Variants in CLCN4 observed in about 807,000 individuals in gnomAD.
The protein encoded by CLCN4 is H(+)/Cl(-) exchange transporter 4.
CLCN4 carries 1 observed loss-of-function variant against 41.7 expected under a neutral mutation model. The ratio of observed to expected loss-of-function variants is 0.02; its 90% CI spans 0.01 to 0.11. The LOEUF is 0.11. Among genes scored for constraint, CLCN4 ranks in the 10% least tolerant of loss-of-function variants. CLCN4 has a pLI of 1.00. For missense variants in CLCN4, 287 were observed against 661.0 expected (o/e 0.43, Z 6.20); for synonymous variants, 277 against 285.8 (o/e 0.97, Z 0.31).
intron 2 of CLCN4, among the ~76,000 whole-genome samples, chrX:10,163,376 T>C (rs1346829264): frequency 9.4e-6 from 1 of 106,306 alleles, no homozygotes; most frequent in Non-Finnish European, 2.0e-5. Flanking sequence ...TTTTTTTTTT[T>C]GTGATAAGTA....
chrX:10,218,365 T>G (rs1443116109), intron 11 of CLCN4, among the ~76,000 whole-genome samples: 1 of 112,098 alleles, frequency 8.9e-6, no homozygotes, highest in East Asian at 2.8e-4. Context: ...TTGGTTTCTT[T>G]TTCAACACAG....
chrX:10,200,035 G>A (rs1396799712), intron 6 of CLCN4, among the ~76,000 whole-genome samples: 1 of 112,145 alleles, frequency 8.9e-6, no homozygotes, highest in East Asian at 2.8e-4. Context: ...ACAGGCGTGA[G>A]CCGCCACGCC....
chrX:10,175,020 G>C (rs1783808388), intron 2 of CLCN4, among the ~76,000 whole-genome samples: 1 of 112,400 alleles, frequency 8.9e-6, no homozygotes. Context: ...CTTTTGCTCT[G>C]TATTCTGTGT....
intron 11 of CLCN4, among the ~76,000 whole-genome samples, chrX:10,216,878 G>GGTGT (rs1569232668): frequency 0.018 from 164 of 9,140 alleles, 1 homozygote; most frequent in African/African-American, 0.059. Context: ...TTCTGTTGGG[G>GGTGT]ATGTGTGTGT....
At chrX:10,217,531 G>C (rs947751626) in intron 11 of CLCN4, among the ~76,000 whole-genome samples, 1 of 111,747 alleles carries the variant, frequency 8.9e-6, no homozygotes, top group African/African-American at 3.3e-5. Context: ...ATTGCTCCCA[G>C]TTGAGAACCA....
chrX:10,199,818 G>T (rs1483895625), intron 6 of CLCN4, among the ~76,000 whole-genome samples: 1 of 110,186 alleles, frequency 9.1e-6, no homozygotes, highest in Non-Finnish European at 1.9e-5. Context: ...GAGTGCAGTG[G>T]CACAATCTCG....
At chrX:10,188,234 G>A (rs1034225241) in intron 4 of CLCN4, among the ~76,000 whole-genome samples, 6 of 112,435 alleles carry the variant, frequency 5.3e-5, no homozygotes, top group East Asian at 2.8e-4. Flanking sequence ...TTTTATATTC[G>A]GTTATTCTTG....
intron 11 of CLCN4, 90 bp from the exon 12 acceptor site, chrX:10,220,571 G>A: frequency 2.9e-6 from 2 of 699,005 alleles, no homozygotes; most frequent in Admixed American, 4.7e-5. Context: ...TTTTCTGTGG[G>A]ATTCTAGATG....
intron 6 of CLCN4, among the ~76,000 whole-genome samples, chrX:10,205,997 A>C (rs1924378266): frequency 9.1e-6 from 1 of 110,369 alleles, no homozygotes; most frequent in African/African-American, 3.3e-5. Flanking sequence ...TTAATCTAGG[A>C]TATATTTCAG....
rs1602151624 is a variant in CLCN4 at position 10,198,067 on chromosome X, T to G, written c.555+6T>G. 5.8e-6 allele frequency: 7 copies of G among 1,206,659 alleles called. No individual in the cohort carries two copies. The highest frequency in any genetic ancestry group is 6.7e-6 in the Non-Finnish European group (6 of 892,778). On this transcript the variant is annotated splice_donor_region_variant and intron_variant, in intron 6 of 12. Transcript: ENST00000380833. ...GTGGCTCTGGCATACCAGAGGTGAG[T>G]TCTGGCTGATTTTTTTGGTACCAAT...
At chrX:10,202,330 C>T (rs888154984) in intron 6 of CLCN4, among the ~76,000 whole-genome samples, 7 of 110,772 alleles carry the variant, frequency 6.3e-5, no homozygotes, top group South Asian at 3.8e-4. Flanking sequence ...AAAAATTAGC[C>T]GGCGTGGTGG....
At position 10,180,767 on chromosome X, in the gene CLCN4, CAAAAAAAA is replaced by C. The variant is rs869040200; in HGVS notation, c.-11-4235_-11-4228del. 2.4e-4 allele frequency among the ~76,000 whole-genome samples: 6 copies of C among 25,044 alleles called. 1 individual carries two copies. The highest frequency in any genetic ancestry group is 0.01 in the South Asian group (2 of 194). 21.7% of individuals were successfully genotyped at this position (25,044 alleles called of 115,157 possible). A position where few individuals can be genotyped will look rare whatever the true frequency, so the allele number is the denominator to read the frequency against. On this transcript the variant is annotated intron_variant, in intron 2 of 12. Coordinates refer to ENST00000380833, the MANE Select transcript of CLCN4 (RefSeq NM_001830.4). ...GGGCAACAAGAGTGAAACTCCATCT[CAAAAAAAA>C]AAAAAAAAAAAAAAAAAAAGAAAGA...
chrX:10,237,295 A>G lies in CLCN4; in HGVS notation c.*3711A>G, dbSNP rs1925275514. On this transcript the variant is annotated 3_prime_UTR_variant, in exon 13 of 13. Coordinates refer to ENST00000380833, the MANE Select transcript of CLCN4 (RefSeq NM_001830.4). ...ACCCAAGGAGAACTATTGAATTACCACATAATTGTAATATTATGCTTTAAT... is the reference window on the plus strand; with the variant it reads ...ACCCAAGGAGAACTATTGAATTACCGCATAATTGTAATATTATGCTTTAAT... 1 of 112,436 alleles carries G rather than the reference A, an allele frequency of 8.9e-6. No homozygotes were observed. Among genetic ancestry groups the G allele is most frequent in the African/African-American group, 3.2e-5 (1 of 30,921 alleles). The allele number at this position is 112,436 out of a possible 1,213,427, so 9.3% of individuals were successfully genotyped here. A position where few individuals can be genotyped will look rare whatever the true frequency, so the allele number is the denominator to read the frequency against.
At chrX:10,169,080 A>AT (rs1476410708) in intron 2 of CLCN4, among the ~76,000 whole-genome samples, 7 of 110,370 alleles carry the variant, frequency 6.3e-5, no homozygotes, top group Non-Finnish European at 9.5e-5. Flanking sequence ...AGTTTTCTTC[A>AT]TTTTTTTGTG....
intron 6 of CLCN4, among the ~76,000 whole-genome samples, chrX:10,205,213 C>T (rs1474702583): frequency 9.0e-6 from 1 of 111,550 alleles, no homozygotes; most frequent in Non-Finnish European, 1.9e-5. Context: ...GTGGCTCATG[C>T]CTGTAATCCC....
intron 2 of CLCN4, among the ~76,000 whole-genome samples, chrX:10,175,970 CTGTG>C (rs1207326766): frequency 0.018 from 1,249 of 68,086 alleles, 35 homozygotes; most frequent in East Asian, 0.075. Context: ...CTCTCTCTCT[CTGTG>C]TGTGTGTGTA....
At chrX:10,230,110 A>AT (rs201225317) in intron 12 of CLCN4, among the ~76,000 whole-genome samples, 4,290 of 111,800 alleles carry the variant, frequency 0.038, 72 homozygotes, top group African/African-American at 0.061. Flanking sequence ...AGATTATTAG[A>AT]TTTTTCCCTA....
At chrX:10,216,195 G>C (rs1924700020) in intron 11 of CLCN4, among the ~76,000 whole-genome samples, 1 of 112,176 alleles carries the variant, frequency 8.9e-6, no homozygotes, top group Admixed American at 9.5e-5. Context: ...AGGTAAGTGA[G>C]GTAAATAAGG....
chrX:10,191,671 G>A (rs1004635652), intron 4 of CLCN4, among the ~76,000 whole-genome samples: 8 of 104,771 alleles, frequency 7.6e-5, no homozygotes, highest in African/African-American at 2.2e-4. Context: ...GACTATAGGC[G>A]CGTGCCACCA....
Sources: allele counts gnomAD v4.1 joint callset (sites outside exome capture counted in the v4.1 genomes callset), GRCh38; gene constraint gnomAD v4.1.1; transcripts MANE v1.5; gene names NCBI Gene and HGNC (gene_info 2026-07-23, HGNC 2026-07-21).